The following NAA11 variants were observed in gnomAD, a reference collection of about 807,000 sequenced individuals.
NAA11 encodes N-alpha-acetyltransferase 11.
A neutral mutation model predicts 16.1 loss-of-function variants in NAA11; 15 were observed. That is an observed-to-expected ratio of 0.93 (90% confidence interval 0.62 to 1.44). The LOEUF (loss-of-function observed/expected upper bound fraction) is 1.44. Ranked by LOEUF, NAA11 falls within the 40% of genes most tolerant of loss-of-function variation. NAA11 has a pLI of 0.00. For missense variants in NAA11, 298 were observed against 291.3 expected (o/e 1.02, Z -0.17); for synonymous variants, 122 against 112.4 (o/e 1.09, Z -0.54).
chr4:79,309,228 T>C (rs1261793518), intron 1 of NAA11, among the ~76,000 whole-genome samples: 1 of 152,220 alleles, frequency 6.6e-6, no homozygotes, highest in Non-Finnish European at 1.5e-5. Context: ...AGATGATTTC[T>C]TGGAGATTAT....
the NAA11 span, among the ~76,000 whole-genome samples, chr4:79,172,585 A>T: frequency 6.6e-6 from 1 of 152,078 alleles, no homozygotes; most frequent in East Asian, 1.9e-4. Context: ...TATTTTAAGA[A>T]TATTTCCTTT....
chr4:79,204,180 A>G, the NAA11 span, among the ~76,000 whole-genome samples: 4 of 151,876 alleles, frequency 2.6e-5, no homozygotes, highest in African/African-American at 9.7e-5. Flanking sequence ...GAAATAATCC[A>G]AGATACAGAC....
At chr4:79,215,734 G>A in the NAA11 span, among the ~76,000 whole-genome samples, 1 of 152,172 alleles carries the variant, frequency 6.6e-6, no homozygotes, top group Non-Finnish European at 1.5e-5. Flanking sequence ...CATGTAGCTA[G>A]CATGACTTGG....
intron 2 of NAA11, among the ~76,000 whole-genome samples, chr4:79,247,259 GA>G (rs1721862133): frequency 6.6e-6 from 1 of 152,174 alleles, no homozygotes; most frequent in African/African-American, 2.4e-5. Flanking sequence ...CCATATACGA[GA>G]AAGGTGATTA....
chr4:79,316,749 TATAA>T lies in NAA11; in HGVS notation c.*1051_*1054del, dbSNP rs541862890. On this transcript the variant is annotated 3_prime_UTR_variant, in exon 2 of 2. Coordinates refer to ENST00000286794, the MANE Select transcript of NAA11 (RefSeq NM_032693.3). ...AAAAATAGATTATAATTGTAGGTTATATAAATATTTACAATTGACATACAGTAGC... is the reference window on the plus strand; with the variant it reads ...AAAAATAGATTATAATTGTAGGTTATATATTTACAATTGACATACAGTAGC... The T allele has an allele frequency of 2.4e-3, 364 of 152,326 alleles. 2 individuals carry two copies. The highest frequency in any genetic ancestry group is 7.9e-3 in the African/African-American group (327 of 41,564). The allele number at this position is 152,326 out of a possible 1,614,324, so 9.4% of individuals were successfully genotyped here.
chr4:79,275,019 G>C (rs1369497081), intron 2 of NAA11, among the ~76,000 whole-genome samples: 2 of 152,084 alleles, frequency 1.3e-5, no homozygotes, highest in Non-Finnish European at 2.9e-5. Context: ...GGTCTTAGTT[G>C]TGGATGGCTT....
At chr4:79,198,956 T>C in the NAA11 span, among the ~76,000 whole-genome samples, 2 of 151,970 alleles carry the variant, frequency 1.3e-5, no homozygotes, top group African/African-American at 4.8e-5. Context: ...AATTCTGGCA[T>C]GAGCAGGGTT....
At chr4:79,167,617 C>G in the NAA11 span, among the ~76,000 whole-genome samples, 4 of 151,936 alleles carry the variant, frequency 2.6e-5, no homozygotes, top group African/African-American at 9.7e-5. Context: ...TTGATAGTAT[C>G]AGTCCATTCT....
At chr4:79,199,891 A>G in the NAA11 span, among the ~76,000 whole-genome samples, 2 of 151,896 alleles carry the variant, frequency 1.3e-5, no homozygotes, top group Non-Finnish European at 2.9e-5. Flanking sequence ...AGCTTTGTTC[A>G]TGGTATTCCT....
At chr4:79,264,475 CA>C (rs1722302489) in intron 2 of NAA11, among the ~76,000 whole-genome samples, 1 of 152,146 alleles carries the variant, frequency 6.6e-6, no homozygotes, top group African/African-American at 2.4e-5. Flanking sequence ...GCAAAACTAA[CA>C]AAAAGAGTTG....
At chr4:79,294,591 T>G (rs1359108260) in intron 1 of NAA11, among the ~76,000 whole-genome samples, 4 of 152,202 alleles carry the variant, frequency 2.6e-5, no homozygotes, top group Non-Finnish European at 5.9e-5. Flanking sequence ...TTTCTAATAT[T>G]TGCTAGGAAA....
At chr4:79,198,558 T>TCA in the NAA11 span, among the ~76,000 whole-genome samples, 1 of 151,940 alleles carries the variant, frequency 6.6e-6, no homozygotes, top group African/African-American at 2.4e-5. Flanking sequence ...GGTATCCTCC[T>TCA]GTACCCTAAC....
At chr4:79,324,391 G>C (rs1481400297) in intron 1 of NAA11, among the ~76,000 whole-genome samples, 1 of 152,144 alleles carries the variant, frequency 6.6e-6, no homozygotes, top group Non-Finnish European at 1.5e-5. Context: ...GTTTGAATCA[G>C]TATCCAAACA....
chr4:79,202,833 A>G, the NAA11 span, among the ~76,000 whole-genome samples: 1 of 150,582 alleles, frequency 6.6e-6, no homozygotes, highest in African/African-American at 2.4e-5. Flanking sequence ...GAGCCGTACA[A>G]TCATTTGGTA....
At chr4:79,187,573 A>G in the NAA11 span, among the ~76,000 whole-genome samples, 1 of 152,182 alleles carries the variant, frequency 6.6e-6, no homozygotes, top group Non-Finnish European at 1.5e-5. Context: ...GGTATCTCCA[A>G]CTGTGTCATT....
At chr4:79,246,377 T>TAAAAAAA (rs869224539) in intron 2 of NAA11, among the ~76,000 whole-genome samples, 37 of 22,382 alleles carry the variant, frequency 1.7e-3, no homozygotes, top group African/African-American at 2.1e-3. Context: ...CAATAAATAC[T>TAAAAAAA]AAAAAAAAAA....
the NAA11 span, among the ~76,000 whole-genome samples, chr4:79,197,066 G>A: frequency 6.6e-5 from 10 of 150,972 alleles, no homozygotes; most frequent in Non-Finnish European, 1.3e-4. Flanking sequence ...TTCTAGTCCA[G>A]TGAGACACAG....
intron 2 of NAA11, among the ~76,000 whole-genome samples, chr4:79,239,884 A>G (rs1325396741): frequency 2.0e-5 from 3 of 152,128 alleles, no homozygotes; most frequent in Non-Finnish European, 2.9e-5. Flanking sequence ...CAATGAGCCT[A>G]TGAGCAAAGT....
intron 1 of NAA11, among the ~76,000 whole-genome samples, 172 bp downstream of exon 1, chr4:79,325,004 G>A (rs1184189752): frequency 6.6e-6 from 1 of 152,120 alleles, no homozygotes; most frequent in Non-Finnish European, 1.5e-5. Context: ...TTCCAATAGC[G>A]TGTAATGAGT....
Sources: gnomAD v4.1 joint callset for allele counts (sites outside exome capture counted in the v4.1 genomes callset) on GRCh38, gnomAD v4.1.1 for gene constraint, MANE v1.5 for transcripts, NCBI Gene and HGNC (gene_info 2026-07-23, HGNC 2026-07-21) for gene names.